Variants in ARHGAP15 observed in about 807,000 individuals in gnomAD.
ARHGAP15 encodes the protein Rho GTPase activating protein 15.
A neutral mutation model predicts 63.7 loss-of-function variants in ARHGAP15; 51 were observed. The ratio of observed to expected loss-of-function variants is 0.80; its 90% CI spans 0.64 to 1.01. The LOEUF is 1.01. ARHGAP15 is among the 50% of genes least tolerant of loss of function. The probability of loss-of-function intolerance (pLI) is 0.00; values close to 1 mark genes in which losing one functional copy is unlikely to be tolerated. For missense variants in ARHGAP15, 560 were observed against 564.6 expected, an observed-to-expected ratio of 0.99 and a Z score of 0.08; for synonymous variants, 191 against 193.8, an observed-to-expected ratio of 0.99 and a Z score of 0.12.
At chr2:143,452,280 A>G (rs1690441314) in intron 8 of ARHGAP15, among the ~76,000 whole-genome samples, 1 of 152,044 alleles carries the variant, frequency 6.6e-6, no homozygotes, top group Non-Finnish European at 1.5e-5. Flanking sequence ...TAGAGACACT[A>G]TTAATCGAAC....
At chr2:143,556,545 A>T in intron 11 of ARHGAP15, 60 bp downstream of exon 11, 2 of 1,273,286 alleles carry the variant, frequency 1.6e-6, no homozygotes, top group Non-Finnish European at 1.1e-6. Flanking sequence ...AATATTTCAT[A>T]CACTGTGCTG....
At chr2:143,235,888 C>T (rs1693622713) in intron 5 of ARHGAP15, 2 of 1,513,236 alleles carry the variant, frequency 1.3e-6, no homozygotes, top group Admixed American at 2.3e-5. Context: ...TTTCAATTGA[C>T]TCTAGCACTT....
intron 13 of ARHGAP15, among the ~76,000 whole-genome samples, chr2:143,746,231 CA>C (rs1686159729): frequency 6.6e-6 from 1 of 152,146 alleles, no homozygotes. Context: ...TTCACACTCT[CA>C]TAAAACCTTT....
Position 143,135,421 on chromosome 2 carries a change from A to G in ARHGAP15, c.-15+5955A>G, listed in dbSNP as rs546205880. On this transcript the variant is annotated intron_variant, in intron 1 of 13. Transcript: ENST00000295095. ...AATAATTTTGAACTCTAAGTATACTATGTTGTCCTAAGGATTGCTGGAGAT... is the reference window on the plus strand; with the variant it reads ...AATAATTTTGAACTCTAAGTATACTGTGTTGTCCTAAGGATTGCTGGAGAT... Among the ~76,000 whole-genome samples the G allele has an allele frequency of 1.6e-3, 246 of 152,312 alleles. No homozygotes were observed. The Middle Eastern group carries it at 0.034, about 21-fold the overall frequency.
At chr2:143,766,238 A>G (rs1290373722) in intron 13 of ARHGAP15, among the ~76,000 whole-genome samples, 1 of 152,210 alleles carries the variant, frequency 6.6e-6, no homozygotes, top group African/African-American at 2.4e-5. Flanking sequence ...TATGAAATGG[A>G]AAATTCCAGA....
chr2:143,722,206 C>T (rs1347479419), intron 13 of ARHGAP15, among the ~76,000 whole-genome samples: 2 of 151,640 alleles, frequency 1.3e-5, no homozygotes, highest in Admixed American at 6.6e-5. Flanking sequence ...CACACACACA[C>T]GGCAAGACCC....
intron 6 of ARHGAP15, among the ~76,000 whole-genome samples, chr2:143,317,816 A>T (rs1036598510): frequency 1.3e-5 from 2 of 152,224 alleles, no homozygotes; most frequent in African/African-American, 2.4e-5. Flanking sequence ...GAGATTGCTC[A>T]TCCGAAGCGG....
In ARHGAP15 at chr2:143,241,921, G is replaced by T. The variant is rs151068771; in HGVS notation, c.385-8590G>T. ...CCACTACAATGAGCTTCAAAGAGAC[G>T]GAGAGAAAAGGGTCTGCAAGTACGC... On this transcript the variant is annotated intron_variant, in intron 5 of 13. Coordinates refer to ENST00000295095, the MANE Select transcript of ARHGAP15 (RefSeq NM_018460.4). Among the ~76,000 whole-genome samples, 630 of 152,268 alleles carry T rather than the reference G, an allele frequency of 4.1e-3. 3 individuals are homozygous for T. The highest frequency in any genetic ancestry group is 0.014 in the African/African-American group (586 of 41,532).
chr2:143,455,397 T>G (rs1001997525), intron 8 of ARHGAP15, among the ~76,000 whole-genome samples: 4 of 151,912 alleles, frequency 2.6e-5, no homozygotes, highest in Non-Finnish European at 5.9e-5. Context: ...CCACATCCTT[T>G]TATCAGCAAG....
Position 143,761,517 on chromosome 2 carries a change from G to A in ARHGAP15, c.1245-6472G>A, listed in dbSNP as rs1054462341. The stretch of plus-strand genomic sequence containing the variant: ...GTAACAGCAAAGCACAAACTTAAAA[G>A]AAAGTTCACATCCATAAATCTGTTT... On this transcript the variant is annotated intron_variant, in intron 13 of 13. Coordinates refer to ENST00000295095, the MANE Select transcript of ARHGAP15 (RefSeq NM_018460.4). Among the ~76,000 whole-genome samples the A allele has an allele frequency of 6.3e-5, 7 of 110,808 alleles. No homozygotes were observed. The South Asian group carries it at 1.9e-3, about 30-fold the overall frequency. 72.7% of individuals were successfully genotyped at this position (110,808 alleles called of 152,430 possible).
At chr2:143,219,041 T>G (rs765130160) in intron 4 of ARHGAP15, among the ~76,000 whole-genome samples, 1 of 152,248 alleles carries the variant, frequency 6.6e-6, no homozygotes, top group Non-Finnish European at 1.5e-5. Context: ...CGTCTTTAAA[T>G]CTAGTTCATT....
chr2:143,669,813 T>C (rs1682424987), intron 12 of ARHGAP15, among the ~76,000 whole-genome samples: 1 of 152,182 alleles, frequency 6.6e-6, no homozygotes, highest in Non-Finnish European at 1.5e-5. Context: ...TTCTCAGACC[T>C]GAAGGACAGG....
intron 6 of ARHGAP15, among the ~76,000 whole-genome samples, chr2:143,353,800 G>A (rs554770991): frequency 3.3e-5 from 5 of 152,138 alleles, no homozygotes; most frequent in Admixed American, 6.6e-5. Flanking sequence ...ATCCTGCAGT[G>A]TCTTAGGCAT....
intron 12 of ARHGAP15, among the ~76,000 whole-genome samples, chr2:143,655,829 G>C (rs1447221853): frequency 6.7e-6 from 1 of 150,234 alleles, no homozygotes; most frequent in East Asian, 1.9e-4. Context: ...AACAAGTGAT[G>C]CCAAAAAAAA....
chr2:143,229,095 G>A (rs188280412), intron 5 of ARHGAP15, among the ~76,000 whole-genome samples: 12 of 151,942 alleles, frequency 7.9e-5, no homozygotes, highest in South Asian at 2.1e-4. Context: ...ATTATAAGAC[G>A]TAAATCATAT....
chr2:143,448,539 G>A (rs892319460), intron 8 of ARHGAP15, among the ~76,000 whole-genome samples: 1 of 151,972 alleles, frequency 6.6e-6, no homozygotes, highest in African/African-American at 2.4e-5. Context: ...GTAGGAATAG[G>A]TGAAGAAGAA....
In ARHGAP15 at chr2:143,701,238, A is replaced by T. The variant is rs962530125; in HGVS notation, c.1139-2181A>T. ...AGGATATTTTCCTGTAATTCCTTAT[A>T]AAAAAATTCTTTTGCGACAACATAT... On this transcript the variant is annotated intron_variant, in intron 12 of 13. Transcript: ENST00000295095. Among the ~76,000 whole-genome samples, 4 of 151,970 alleles carry T rather than the reference A, an allele frequency of 2.6e-5. No individual in the cohort carries two copies. The South Asian group carries it at 8.3e-4, about 31-fold the overall frequency.
intron 6 of ARHGAP15, among the ~76,000 whole-genome samples, chr2:143,317,293 G>A (rs1683765916): frequency 6.6e-6 from 1 of 152,202 alleles, no homozygotes; most frequent in South Asian, 2.1e-4. Context: ...AGGATATTCA[G>A]TGCATGTGTG....
intron 6 of ARHGAP15, among the ~76,000 whole-genome samples, chr2:143,428,656 G>A (rs772671563): frequency 3.9e-5 from 6 of 152,068 alleles, no homozygotes; most frequent in African/African-American, 9.6e-5. Flanking sequence ...ATGTTTCCTC[G>A]TGGGTCAAAA....
Sources: gnomAD v4.1 joint callset for allele counts (sites outside exome capture counted in the v4.1 genomes callset) on GRCh38, gnomAD v4.1.1 for gene constraint, MANE v1.5 for transcripts, NCBI Gene and HGNC (gene_info 2026-07-23, HGNC 2026-07-21) for gene names.